The following FNDC3B variants were observed in gnomAD, a reference collection of about 807,000 sequenced individuals.
The protein encoded by FNDC3B is fibronectin type III domain-containing protein 3B.
Under a neutral mutation model 151.5 loss-of-function variants are expected in FNDC3B, and 12 were observed. That is an observed-to-expected ratio of 0.08 (90% confidence interval 0.05 to 0.13). FNDC3B has a LOEUF of 0.13. Among genes scored for constraint, FNDC3B ranks in the 10% least tolerant of loss-of-function variants. FNDC3B has a pLI of 1.00. For missense variants in FNDC3B, 1,214 were observed against 1,505.3 expected (o/e 0.81, Z 3.20); for synonymous variants, 528 against 549.0 (o/e 0.96, Z 0.54).
At chr3:172,200,497 A>G (rs971816246) in intron 3 of FNDC3B, among the ~76,000 whole-genome samples, 8 of 152,206 alleles carry the variant, frequency 5.3e-5, no homozygotes, top group Non-Finnish European at 1.2e-4. Flanking sequence ...TCTGTTTTTC[A>G]CTTTCAGTAC....
intron 1 of FNDC3B, among the ~76,000 whole-genome samples, chr3:172,111,442 T>A (rs1719962410): frequency 6.6e-6 from 1 of 152,218 alleles, no homozygotes; most frequent in Non-Finnish European, 1.5e-5. Flanking sequence ...GACCTGTTAT[T>A]ATAGAATTTG....
At chr3:172,269,937 G>A (rs975308801) in intron 6 of FNDC3B, among the ~76,000 whole-genome samples, 3 of 152,166 alleles carry the variant, frequency 2.0e-5, no homozygotes, top group South Asian at 4.1e-4. Flanking sequence ...GTGAGCCACC[G>A]CACGCGGCCT....
At position 172,233,176 on chromosome 3, in the gene FNDC3B, T is replaced by C. The variant is rs189859856; in HGVS notation, c.264+6229T>C. The stretch of plus-strand genomic sequence containing the variant: ...TTATGATACATTTGCTCAAATGTTA[T>C]AGGGAAAACTTCATATTGACCCAAG... On this transcript the variant is annotated intron_variant, in intron 4 of 25. Coordinates refer to ENST00000415807, the MANE Select transcript of FNDC3B (RefSeq NM_022763.4). Among the ~76,000 whole-genome samples the C allele has an allele frequency of 1.3e-3, 194 of 152,350 alleles. 2 individuals are homozygous for C. Among genetic ancestry groups the C allele is most frequent in the African/African-American group, 4.4e-3 (183 of 41,584 alleles).
At chr3:172,307,319 C>A in intron 9 of FNDC3B, 44 bp from the exon 10 acceptor site, 2 of 1,608,144 alleles carry the variant, frequency 1.2e-6, no homozygotes. Context: ...TCCTGGTCTT[C>A]TATGATGAGT....
chr3:172,372,531 G>T (rs1196415644), intron 23 of FNDC3B, among the ~76,000 whole-genome samples: 1 of 152,190 alleles, frequency 6.6e-6, no homozygotes, highest in East Asian at 1.9e-4. Context: ...AACAAAGTGA[G>T]CATTTTATTT....
At chr3:172,274,130 G>A (rs6809001) in intron 6 of FNDC3B, among the ~76,000 whole-genome samples, 31,098 of 152,046 alleles carry the variant, frequency 0.2, 4,387 homozygotes, top group African/African-American at 0.41. Flanking sequence ...GTAATCTGGA[G>A]AATTATTATA....
chr3:172,247,561 G>A lies in FNDC3B; in HGVS notation c.293G>A (p.Arg98Gln), dbSNP rs1727841616. Residue 98 changes from arginine (R) to glutamine (Q), a missense_variant, in exon 5 of 26, where the codon CGG becomes CAG. Arg to Gln is a conservative substitution (Grantham distance 43). Coordinates refer to ENST00000415807, the MANE Select transcript of FNDC3B (RefSeq NM_022763.4). ...ATTGAAGATAGTACTGGAGTCCGCCGGGTGGTGGTCACACCCCAGTCTCCT... is the reference window on the plus strand; with the variant it reads ...ATTGAAGATAGTACTGGAGTCCGCCAGGTGGTGGTCACACCCCAGTCTCCT... ...QVIEDSTGVR[R>Q]VVVTPQSPEC... 3 of 1,613,926 alleles carry A rather than the reference G, an allele frequency of 1.9e-6. No homozygotes were observed. The highest frequency in any genetic ancestry group is 1.3e-5 in the African/African-American group (1 of 74,962).
chr3:172,157,724 T>A (rs898362326), intron 3 of FNDC3B, among the ~76,000 whole-genome samples: 1 of 152,234 alleles, frequency 6.6e-6, no homozygotes, highest in Admixed American at 6.5e-5. Flanking sequence ...AATAGCTTAT[T>A]TCTTATATTG....
At chr3:172,333,865 G>C (rs1732815072) in intron 14 of FNDC3B, among the ~76,000 whole-genome samples, 1 of 151,984 alleles carries the variant, frequency 6.6e-6, no homozygotes, top group East Asian at 1.9e-4. Context: ...TTCCTCACTT[G>C]CTTGTAATTT....
intron 1 of FNDC3B, among the ~76,000 whole-genome samples, chr3:172,099,927 C>T (rs531314978): frequency 2.0e-5 from 3 of 152,114 alleles, no homozygotes; most frequent in Non-Finnish European, 2.9e-5. Flanking sequence ...CTGGGAGACC[C>T]TTGGGTACTC....
intron 9 of FNDC3B, among the ~76,000 whole-genome samples, chr3:172,305,212 C>G (rs1731134313): frequency 1.3e-5 from 2 of 152,182 alleles, no homozygotes; most frequent in Admixed American, 1.3e-4. Context: ...TCACACACAC[C>G]TGAAATGTCT....
intron 25 of FNDC3B, among the ~76,000 whole-genome samples, chr3:172,381,881 T>A (rs1296357150): frequency 3.3e-5 from 5 of 152,208 alleles, no homozygotes; most frequent in Non-Finnish European, 7.3e-5. Flanking sequence ...TGATGGGCAT[T>A]TGGGTTGGTT....
intron 23 of FNDC3B, among the ~76,000 whole-genome samples, chr3:172,364,008 C>G (rs1011840436): frequency 3.3e-5 from 5 of 152,138 alleles, no homozygotes; most frequent in African/African-American, 1.2e-4. Flanking sequence ...ACCTGGCAAA[C>G]CTGGTAATTT....
chr3:172,157,154 G>A (rs1427173824), intron 3 of FNDC3B, among the ~76,000 whole-genome samples: 3 of 152,034 alleles, frequency 2.0e-5, no homozygotes, highest in East Asian at 1.9e-4. Context: ...CTTAAGTTTC[G>A]CTAAGCTGCC....
In FNDC3B at chr3:172,357,978, C is replaced by T. The variant is rs13316092; in HGVS notation, c.2796-4655C>T. ...TCTAAATGCCTGCTTCCTTGGCAGACGGTCAATGTTGAACTGAAAGTGTGG... is the reference window on the plus strand; with the variant it reads ...TCTAAATGCCTGCTTCCTTGGCAGATGGTCAATGTTGAACTGAAAGTGTGG... On this transcript the variant is annotated intron_variant, in intron 22 of 25. Transcript: ENST00000415807. Among the ~76,000 whole-genome samples, 1,452 of 152,296 alleles carry T rather than the reference C, an allele frequency of 9.5e-3. 18 individuals carry two copies. The highest frequency in any genetic ancestry group is 0.033 in the African/African-American group (1,361 of 41,568).
At chr3:172,121,633 G>T (rs1354457676) in intron 2 of FNDC3B, among the ~76,000 whole-genome samples, 2 of 152,150 alleles carry the variant, frequency 1.3e-5, no homozygotes, top group East Asian at 3.8e-4. Context: ...CAGTTTCCAA[G>T]AATTGAGTCT....
chr3:172,065,116 G>A (rs907005778), intron 1 of FNDC3B, among the ~76,000 whole-genome samples: 1 of 152,186 alleles, frequency 6.6e-6, no homozygotes, highest in African/African-American at 2.4e-5. Context: ...GACGGATCAT[G>A]AGGTCAGGAG....
At chr3:172,188,401 TTTTGTTTC>T (rs756234906) in intron 3 of FNDC3B, among the ~76,000 whole-genome samples, 30 of 151,600 alleles carry the variant, frequency 2.0e-4, no homozygotes, top group African/African-American at 6.5e-4. Flanking sequence ...GAAGTTGGTT[TTTTGTTTC>T]TTTGTTTGTT....
intron 3 of FNDC3B, among the ~76,000 whole-genome samples, chr3:172,183,936 A>AT (rs1260713527): frequency 2.0e-5 from 3 of 152,070 alleles, no homozygotes; most frequent in African/African-American, 7.3e-5. Flanking sequence ...ACTTTTATTC[A>AT]TTTTTACTCT....
Sources: allele counts gnomAD v4.1 joint callset (sites outside exome capture counted in the v4.1 genomes callset), GRCh38; gene constraint gnomAD v4.1.1; transcripts MANE v1.5; gene names NCBI Gene and HGNC (gene_info 2026-07-23, HGNC 2026-07-21).